The following JAK1 variants were observed in gnomAD, a reference collection of about 807,000 sequenced individuals.
The protein encoded by JAK1 is Janus kinase 1.
Under a neutral mutation model 136.6 loss-of-function variants are expected in JAK1, and 16 were observed. That is an observed-to-expected ratio of 0.12 (90% confidence interval 0.08 to 0.18). The LOEUF (loss-of-function observed/expected upper bound fraction) is 0.18. JAK1 is among the 10% of genes least tolerant of loss of function. The pLI, the probability that JAK1 is intolerant of heterozygous loss-of-function variation, is 1.00. For missense variants in JAK1, 859 were observed against 1,450.1 expected (o/e 0.59, Z 6.62); for synonymous variants, 492 against 519.5 (o/e 0.95, Z 0.72).
rs76095387 is a variant in JAK1 at position 64,997,289 on chromosome 1, T to C, written c.-78+47191A>G. Among the ~76,000 whole-genome samples, 404 of 152,322 alleles carry C rather than the reference T, an allele frequency of 2.7e-3. 18 individuals carry two copies. In the East Asian group the frequency reaches 0.068, roughly 26 times the overall value. ...TAGAAGGAGGAGATGGTAAAAATCA[T>C]ACATGCAGTCTTCAAATGTAGAATG... is the stretch of plus-strand genomic sequence containing the variant. On this transcript the variant is annotated intron_variant, in intron 2 of 25. Transcript: ENST00000671954.
chr1:65,053,344 C>CA lies in JAK1; in HGVS notation c.-180-8763dup, dbSNP rs201167668. 7.0e-3 allele frequency among the ~76,000 whole-genome samples: 1,063 copies of CA among 150,792 alleles called. 11 individuals are homozygous for CA. Among genetic ancestry groups the CA allele is most frequent in the African/African-American group, 0.024 (977 of 41,032 alleles). ...TGGGCGACAGAGCAAGACTCCGCCT[C>CA]AAAAAAAACACAAAAACAAAAAACG... On this transcript the variant is annotated intron_variant, in intron 1 of 25. Coordinates refer to the JAK1 transcript ENST00000671954.
At chr1:64,918,092 G>T (rs1057042081) in intron 1 of JAK1, among the ~76,000 whole-genome samples, 1 of 152,168 alleles carries the variant, frequency 6.6e-6, no homozygotes, top group African/African-American at 2.4e-5. Context: ...TACACTGGTA[G>T]AAAGGGCATG....
Position 64,839,730 on chromosome 1 carries a change from C to T in JAK1, c.2715G>A (p.Val905=). The change falls in exon 20 of 25, where the codon GTG becomes GTA. Residue 905 remains valine (V), a synonymous_variant. Transcript: ENST00000342505. ...TCTCAGGCTTCAGAGATTTAACAGC[C>T]ACCTGCTCCCCTGTATTGTCCCCTT... ...DPEGDNTGEQ[V]AVKSLKPESG... 1.9e-6 allele frequency: 3 copies of T among 1,614,198 alleles called. No homozygotes were observed. The highest frequency in any genetic ancestry group is 2.5e-6 in the Non-Finnish European group (3 of 1,180,028).
chr1:65,039,415 TA>T (rs1444013595), intron 2 of JAK1, among the ~76,000 whole-genome samples: 1 of 152,162 alleles, frequency 6.6e-6, no homozygotes, highest in Non-Finnish European at 1.5e-5. Flanking sequence ...TTAAATACAT[TA>T]TATGTGTTAT....
intron 2 of JAK1, among the ~76,000 whole-genome samples, chr1:64,978,006 G>A (rs544270190): frequency 1.3e-5 from 2 of 151,080 alleles, no homozygotes; most frequent in East Asian, 1.9e-4. Context: ...TTGGCTGGAC[G>A]TGGTGGCTCA....
At chr1:64,988,920 GTATGTATGTGTATATATA>G (rs1311808332) in intron 2 of JAK1, among the ~76,000 whole-genome samples, 3 of 144,782 alleles carry the variant, frequency 2.1e-5, no homozygotes, top group East Asian at 2.0e-4. Context: ...ATATATATAT[GTATGTATGTGTATATATA>G]TATGTATGTG....
intron 1 of JAK1, among the ~76,000 whole-genome samples, chr1:64,933,145 A>G (rs1177053888): frequency 6.6e-6 from 1 of 152,180 alleles, no homozygotes; most frequent in Non-Finnish European, 1.5e-5. Flanking sequence ...AACATCCCAT[A>G]AGGTGGGTAC....
At chr1:64,994,709 G>A (rs1388770726) in intron 2 of JAK1, among the ~76,000 whole-genome samples, 1 of 152,112 alleles carries the variant, frequency 6.6e-6, no homozygotes, top group Non-Finnish European at 1.5e-5. Flanking sequence ...AACCGCAACA[G>A]AACACATTTT....
chr1:65,026,153 G>A (rs564063272), intron 2 of JAK1, among the ~76,000 whole-genome samples: 5 of 152,222 alleles, frequency 3.3e-5, no homozygotes, highest in East Asian at 1.9e-4. Flanking sequence ...CCACCCCAAC[G>A]CTACTACCTA....
chr1:64,868,851 T>C (rs975929243), intron 6 of JAK1, among the ~76,000 whole-genome samples: 3 of 152,220 alleles, frequency 2.0e-5, no homozygotes, highest in Non-Finnish European at 2.9e-5. Flanking sequence ...TATTTAATAG[T>C]AGTTGATCAA....
chr1:65,017,294 C>G (rs1326864274), intron 2 of JAK1, among the ~76,000 whole-genome samples: 2 of 151,922 alleles, frequency 1.3e-5, no homozygotes, highest in African/African-American at 4.8e-5. Flanking sequence ...CATGGCGAAA[C>G]CCTGTCTCTA....
At position 64,873,295 on chromosome 1, in the gene JAK1, C is replaced by T. The variant is rs1012496389; in HGVS notation, c.483+75G>A. ...ACTCTAGCACCACCAAGTTCAGCTG[C>T]AGCAGGGGGTCTGAGCTCTACAATG... On this transcript the variant is annotated intron_variant, in intron 5 of 24. Coordinates refer to ENST00000342505, the MANE Select transcript of JAK1 (RefSeq NM_002227.4). 38 of 1,560,620 alleles carry T rather than the reference C, an allele frequency of 2.4e-5. 1 individual carries two copies. The Middle Eastern group carries it at 1.4e-3, about 57-fold the overall frequency.
chr1:64,930,591 A>G (rs1278188999), intron 1 of JAK1, among the ~76,000 whole-genome samples: 5 of 152,186 alleles, frequency 3.3e-5, no homozygotes, highest in African/African-American at 9.7e-5. Flanking sequence ...ACAGTGTGGC[A>G]ATTCCTCAAG....
chr1:64,961,575 T>A (rs570443551), intron 1 of JAK1, among the ~76,000 whole-genome samples: 24 of 151,958 alleles, frequency 1.6e-4, no homozygotes, highest in African/African-American at 5.5e-4. Flanking sequence ...CTGCCCTACC[T>A]CCTTCCGCTC....
At chr1:64,882,048 C>T (rs557184152) in intron 3 of JAK1, among the ~76,000 whole-genome samples, 7 of 152,132 alleles carry the variant, frequency 4.6e-5, no homozygotes, top group African/African-American at 1.2e-4. Context: ...GTACACATTG[C>T]GGCCTAGTCA....
At chr1:65,005,711 T>G (rs1289502880) in intron 2 of JAK1, among the ~76,000 whole-genome samples, 12 of 152,192 alleles carry the variant, frequency 7.9e-5, no homozygotes, top group Non-Finnish European at 1.2e-4. Context: ...ATTAATTCTT[T>G]AAAAATATGT....
At chr1:64,988,006 T>A (rs889663144) in intron 2 of JAK1, among the ~76,000 whole-genome samples, 1 of 152,242 alleles carries the variant, frequency 6.6e-6, no homozygotes, top group Non-Finnish European at 1.5e-5. Context: ...ATTGATCACT[T>A]ATTGTGTACC....
intron 2 of JAK1, among the ~76,000 whole-genome samples, chr1:65,028,633 T>C (rs1054482681): frequency 2.6e-5 from 4 of 152,176 alleles, no homozygotes; most frequent in Non-Finnish European, 4.4e-5. Flanking sequence ...AATTAAGTCA[T>C]TGAAACTTAT....
chr1:64,980,928 T>C (rs1490125239), intron 2 of JAK1, among the ~76,000 whole-genome samples: 1 of 152,244 alleles, frequency 6.6e-6, no homozygotes, highest in Non-Finnish European at 1.5e-5. Flanking sequence ...GGCTGCATAG[T>C]ATTCCATGGT....
Sources: gnomAD v4.1 joint callset for allele counts (sites outside exome capture counted in the v4.1 genomes callset) on GRCh38, gnomAD v4.1.1 for gene constraint, MANE v1.5 for transcripts, NCBI Gene and HGNC (gene_info 2026-07-23, HGNC 2026-07-21) for gene names.